Variants in SAMD4A observed in about 807,000 individuals in gnomAD.
The protein encoded by SAMD4A is sterile alpha motif domain containing 4A, also known as protein Smaug homolog 1.
In SAMD4A, 33 loss-of-function variants were observed where a neutral mutation model predicts 81.3. That is an observed-to-expected ratio of 0.41 (90% CI 0.31 to 0.54). The LOEUF (loss-of-function observed/expected upper bound fraction) is 0.54. Among genes scored for constraint, SAMD4A ranks in the 20% least tolerant of loss-of-function variants. The pLI is 0.37. For synonymous variants in SAMD4A, 389 were observed against 382.1 expected (o/e 1.02, Z -0.21); for missense variants, 854 against 951.1 (o/e 0.90, Z 1.34).
At chr14:54,685,755 C>A (rs1310172478) in intron 2 of SAMD4A, 1 of 456,576 alleles carries the variant, frequency 2.2e-6, no homozygotes, top group Non-Finnish European at 4.4e-6. Flanking sequence ...CAGAGAGAAC[C>A]AGAAAATCTC....
intron 3 of SAMD4A, among the ~76,000 whole-genome samples, chr14:54,732,617 C>T (rs777979850): frequency 2.0e-5 from 3 of 152,000 alleles, no homozygotes; most frequent in Non-Finnish European, 4.4e-5. Context: ...CAGAGAAATA[C>T]GCAATGTATC....
chr14:54,575,940 C>T (rs1287585663), intron 2 of SAMD4A, among the ~76,000 whole-genome samples: 1 of 149,726 alleles, frequency 6.7e-6, no homozygotes. Flanking sequence ...AATTTCCAGG[C>T]ACTCTAGCGA....
chr14:54,568,223 C>G (rs912728338), intron 2 of SAMD4A, 111 bp downstream of exon 2: 1 of 1,060,484 alleles, frequency 9.4e-7, no homozygotes, highest in African/African-American at 1.7e-5. Context: ...CGCGCCGGGA[C>G]CTGGACGGCG....
At chr14:54,654,506 T>C (rs182688766) in intron 2 of SAMD4A, among the ~76,000 whole-genome samples, 4 of 152,324 alleles carry the variant, frequency 2.6e-5, no homozygotes, top group African/African-American at 2.4e-5. Flanking sequence ...TTAAAAAAAA[T>C]TGTTTTTAAT....
chr14:54,687,693 G>A (rs1240664887), intron 2 of SAMD4A, among the ~76,000 whole-genome samples: 1 of 152,166 alleles, frequency 6.6e-6, no homozygotes, highest in Non-Finnish European at 1.5e-5. Flanking sequence ...GTGGCACCAG[G>A]GCATTACTGC....
intron 2 of SAMD4A, among the ~76,000 whole-genome samples, chr14:54,678,378 C>T (rs1283381272): frequency 6.7e-6 from 1 of 149,488 alleles, no homozygotes; most frequent in Non-Finnish European, 1.5e-5. Flanking sequence ...AAGTGACCTT[C>T]CTAATTCTGC....
intron 2 of SAMD4A, among the ~76,000 whole-genome samples, chr14:54,600,644 T>C (rs2034028694): frequency 6.6e-6 from 1 of 152,170 alleles, no homozygotes; most frequent in Non-Finnish European, 1.5e-5. Flanking sequence ...GAAAACATAT[T>C]GAGAGCTTGC....
At chr14:54,654,404 C>T (rs1020117065) in intron 2 of SAMD4A, among the ~76,000 whole-genome samples, 5 of 152,008 alleles carry the variant, frequency 3.3e-5, no homozygotes, top group South Asian at 4.2e-4. Flanking sequence ...TTTTTGTTTG[C>T]GAAACTCCCT....
chr14:54,692,064 A>G (rs2036456620), intron 2 of SAMD4A, among the ~76,000 whole-genome samples: 1 of 152,200 alleles, frequency 6.6e-6, no homozygotes, highest in Non-Finnish European at 1.5e-5. Context: ...TACACACCAC[A>G]CCACAGGGCT....
chr14:54,674,241 C>T (rs1594795233), intron 2 of SAMD4A, among the ~76,000 whole-genome samples: 1 of 152,240 alleles, frequency 6.6e-6, no homozygotes, highest in Non-Finnish European at 1.5e-5. Flanking sequence ...TCAGTGGCAG[C>T]AGAGATACTG....
chr14:54,765,793 G>GC (rs2038522492), intron 8 of SAMD4A, among the ~76,000 whole-genome samples: 1 of 151,576 alleles, frequency 6.6e-6, no homozygotes, highest in Admixed American at 6.6e-5. Context: ...TGTCACATGG[G>GC]CCCTGTGCTA....
chr14:54,777,276 AAACGCTCTGTC>A (rs922095595), intron 11 of SAMD4A, among the ~76,000 whole-genome samples: 3 of 151,482 alleles, frequency 2.0e-5, no homozygotes, highest in African/African-American at 7.3e-5. Flanking sequence ...TGGACAGTAG[AAACGCTCTGTC>A]CAGTAAGTCC....
intron 11 of SAMD4A, among the ~76,000 whole-genome samples, chr14:54,782,053 C>A (rs1466823109): frequency 6.6e-6 from 1 of 152,206 alleles, no homozygotes; most frequent in African/African-American, 2.4e-5. Flanking sequence ...GAAGCGAACA[C>A]CCCCACTTCC....
intron 2 of SAMD4A, among the ~76,000 whole-genome samples, chr14:54,651,154 T>A (rs2035395388): frequency 6.6e-6 from 1 of 152,152 alleles, no homozygotes; most frequent in South Asian, 2.1e-4. Flanking sequence ...GATCCTGAGC[T>A]CTTTGGTCTT....
intron 2 of SAMD4A, among the ~76,000 whole-genome samples, chr14:54,642,423 T>C (rs2035195882): frequency 6.6e-6 from 1 of 152,182 alleles, no homozygotes; most frequent in East Asian, 1.9e-4. Context: ...AAACCCGACA[T>C]AAACTGCTGC....
intron 2 of SAMD4A, among the ~76,000 whole-genome samples, chr14:54,619,637 C>T (rs2034568657): frequency 6.6e-6 from 1 of 151,986 alleles, no homozygotes; most frequent in Non-Finnish European, 1.5e-5. Context: ...TTTCCTGATC[C>T]TCCCACCCTC....
intron 2 of SAMD4A, among the ~76,000 whole-genome samples, chr14:54,667,801 C>T (rs1463800934): frequency 6.6e-6 from 1 of 152,212 alleles, no homozygotes; most frequent in East Asian, 1.9e-4. Context: ...TACCACACAC[C>T]ATGCATTCAT....
At chr14:54,765,085 T>C (rs546560895) in intron 8 of SAMD4A, among the ~76,000 whole-genome samples, 2 of 152,262 alleles carry the variant, frequency 1.3e-5, no homozygotes, top group African/African-American at 4.8e-5. Flanking sequence ...AGGCACAGTC[T>C]TCATATACAG....
At chr14:54,613,170 GA>G (rs2034405968) in intron 2 of SAMD4A, among the ~76,000 whole-genome samples, 1 of 150,376 alleles carries the variant, frequency 6.6e-6, no homozygotes, top group Non-Finnish European at 1.5e-5. Context: ...GAGGGAAAGG[GA>G]AAAGGAAGGA....
Sources: allele counts gnomAD v4.1 joint callset (sites outside exome capture counted in the v4.1 genomes callset), GRCh38; gene constraint gnomAD v4.1.1; transcripts MANE v1.5; gene names NCBI Gene and HGNC (gene_info 2026-07-23, HGNC 2026-07-21).